The following PHKA1 variants were observed in gnomAD, a reference collection of about 807,000 sequenced individuals.
The protein encoded by PHKA1 is phosphorylase kinase regulatory subunit alpha 1, also known as phosphorylase b kinase regulatory subunit alpha, skeletal muscle isoform.
PHKA1 carries 60 observed loss-of-function variants against 110.2 expected under a neutral mutation model. The observed-to-expected ratio is 0.54, with a 90% CI of 0.44 to 0.68. The LOEUF (loss-of-function observed/expected upper bound fraction) is 0.68. Among genes scored for constraint, PHKA1 ranks in the 30% least tolerant of loss-of-function variants. The pLI, the probability that PHKA1 is intolerant of heterozygous loss-of-function variation, is 0.00. For synonymous variants in PHKA1, 316 were observed against 333.6 expected (o/e 0.95, Z 0.58); for missense variants, 801 against 942.5 (o/e 0.85, Z 1.97).
chrX:72,703,448 G>T (rs1486246050), intron 3 of PHKA1, among the ~76,000 whole-genome samples: 4 of 111,801 alleles, frequency 3.6e-5, no homozygotes, highest in Non-Finnish European at 7.5e-5. Context: ...GGAGGCCAAG[G>T]TGGGAGGATC....
rs1249985136 is a variant in PHKA1 at position 72,603,186 on chromosome X, A to G, written c.2850T>C (p.Ser950=). 1 of 1,205,182 alleles carries G rather than the reference A, an allele frequency of 8.3e-7. No homozygotes were observed. Among genetic ancestry groups the G allele is most frequent in the African/African-American group, 1.7e-5 (1 of 57,229 alleles). ...EEATEGLMNL[S]PSAMKNLLHH... is the part of the protein sequence containing the mutation. The stretch of plus-strand genomic sequence containing the variant: ...GCAGGAGATTCTTCATGGCCGAAGG[A>G]CTGAGATTCATCAGGCCCTCTGTGG... The change falls in exon 26 of 32, where the codon AGT becomes AGC. Residue 950 remains serine, a synonymous_variant. Coordinates refer to ENST00000373542, the MANE Select transcript of PHKA1 (RefSeq NM_002637.4).
At chrX:72,612,735 A>G (rs2052830815) in intron 21 of PHKA1, among the ~76,000 whole-genome samples, 1 of 111,544 alleles carries the variant, frequency 9.0e-6, no homozygotes, top group African/African-American at 3.3e-5. Flanking sequence ...TATCCAACCT[A>G]CTCTTCTTAC....
chrX:72,685,063 A>G (rs1183185645), intron 4 of PHKA1, among the ~76,000 whole-genome samples: 1 of 111,878 alleles, frequency 8.9e-6, no homozygotes, highest in East Asian at 2.8e-4. Context: ...TTACACACAG[A>G]ATGTTTTACA....
At chrX:72,602,094 T>C (rs1464721179) in intron 27 of PHKA1, 64 bp downstream of exon 27, 10 of 1,099,189 alleles carry the variant, frequency 9.1e-6, no homozygotes, top group Non-Finnish European at 1.3e-5. Context: ...CAACAAAGTC[T>C]GATTCCAAAA....
At chrX:72,664,240 T>C (rs974860647) in intron 8 of PHKA1, among the ~76,000 whole-genome samples, 31 of 110,971 alleles carry the variant, frequency 2.8e-4, no homozygotes, top group Non-Finnish European at 3.6e-4. Flanking sequence ...TGGAAAAAGA[T>C]GTTCCATGCA....
At chrX:72,659,526 G>C (rs1227219661) in intron 8 of PHKA1, among the ~76,000 whole-genome samples, 2 of 88,726 alleles carry the variant, frequency 2.3e-5, no homozygotes, top group African/African-American at 2.0e-4. Context: ...AACACACACA[G>C]ACACACAGAC....
At chrX:72,625,471 A>G (rs1235213398) in intron 17 of PHKA1, among the ~76,000 whole-genome samples, 2 of 111,643 alleles carry the variant, frequency 1.8e-5, no homozygotes, top group Non-Finnish European at 3.8e-5. Flanking sequence ...GTAGTATTCC[A>G]TGGTGCATTA....
rs1428503900 is a variant in PHKA1, at chrX:72,607,789, G to A, written c.2606+1835C>T. 2.7e-5 allele frequency among the ~76,000 whole-genome samples: 3 copies of A among 111,587 alleles called. No homozygotes were observed. In the South Asian group the frequency reaches 1.1e-3, roughly 42 times the overall value. On this transcript the variant is annotated intron_variant, in intron 23 of 31. Transcript: ENST00000373542. ...CTTCAACAACTGCTCTCAATTGGTCGTTGTCAACTTTCAATAGCAGGCCAC... is the reference window on the plus strand; with the variant it reads ...CTTCAACAACTGCTCTCAATTGGTCATTGTCAACTTTCAATAGCAGGCCAC...
At chrX:72,597,902 A>T (rs2052611593) in intron 28 of PHKA1, among the ~76,000 whole-genome samples, 1 of 111,277 alleles carries the variant, frequency 9.0e-6, no homozygotes, top group African/African-American at 3.3e-5. Context: ...ACTCTATAAA[A>T]CCCTTAGAAC....
intron 16 of PHKA1, among the ~76,000 whole-genome samples, chrX:72,634,544 A>G (rs1556290370): frequency 9.3e-6 from 1 of 108,046 alleles, no homozygotes; most frequent in Non-Finnish European, 1.9e-5. Context: ...AGTTTCAAGT[A>G]AGCAATGTCA....
intron 5 of PHKA1, among the ~76,000 whole-genome samples, chrX:72,681,340 T>C (rs1603270186): frequency 2.7e-5 from 3 of 111,322 alleles, no homozygotes; most frequent in South Asian, 7.3e-4. Flanking sequence ...AGCTGCCCCG[T>C]CTGAGAAGTG....
chrX:72,638,693 T>C (rs1225156191), intron 14 of PHKA1, among the ~76,000 whole-genome samples: 1 of 111,534 alleles, frequency 9.0e-6, no homozygotes, highest in African/African-American at 3.3e-5. Flanking sequence ...CGTCTATTTA[T>C]GGTTTTTCCT....
chrX:72,649,706 A>T (rs2053403846), intron 13 of PHKA1, among the ~76,000 whole-genome samples: 2 of 111,597 alleles, frequency 1.8e-5, no homozygotes, highest in African/African-American at 6.5e-5. Flanking sequence ...GTATAAGACT[A>T]AGTGCAGCCG....
intron 29 of PHKA1, among the ~76,000 whole-genome samples, chrX:72,591,783 G>A (rs1183644322): frequency 8.9e-6 from 1 of 111,858 alleles, no homozygotes; most frequent in Admixed American, 9.5e-5. Flanking sequence ...ACTGTACACT[G>A]CATGTTGTAT....
At chrX:72,667,822 A>AT (rs2053632153) in intron 6 of PHKA1, among the ~76,000 whole-genome samples, 1 of 111,878 alleles carries the variant, frequency 8.9e-6, no homozygotes, top group Non-Finnish European at 1.9e-5. Context: ...TTTTCTAAAT[A>AT]TATTTTTGAT....
intron 19 of PHKA1, among the ~76,000 whole-genome samples, chrX:72,619,939 C>T (rs1185065176): frequency 8.9e-6 from 1 of 112,007 alleles, no homozygotes; most frequent in Admixed American, 9.5e-5. Flanking sequence ...TTTTCTGGTT[C>T]ACAATTGAGA....
intron 16 of PHKA1, among the ~76,000 whole-genome samples, chrX:72,629,777 C>G (rs955090616): frequency 9.0e-6 from 1 of 111,153 alleles, no homozygotes; most frequent in Admixed American, 9.6e-5. Context: ...TTTACCTATA[C>G]TGGGTTTGAC....
rs142454357 is a variant in PHKA1 at position 72,612,178 on chromosome X, G to A, written c.2370-994C>T. Among the ~76,000 whole-genome samples the A allele has an allele frequency of 6.4e-3, 719 of 111,767 alleles. 4 individuals are homozygous for A. Among genetic ancestry groups the A allele is most frequent in the Middle Eastern group, 0.018 (4 of 217 alleles). ...GAAGTACTGATACATGTTACAACAC[G>A]GATGAATCTTGAAAATATCATGTTA... On this transcript the variant is annotated intron_variant, in intron 21 of 31. Transcript: ENST00000373542.
At chrX:72,656,985 T>G (rs782527913) in intron 9 of PHKA1, among the ~76,000 whole-genome samples, 2 of 111,857 alleles carry the variant, frequency 1.8e-5, no homozygotes, top group African/African-American at 6.5e-5. Context: ...TTTAAAAAAA[T>G]CCATAATGTC....
Sources: gnomAD v4.1 joint callset for allele counts (sites outside exome capture counted in the v4.1 genomes callset) on GRCh38, gnomAD v4.1.1 for gene constraint, MANE v1.5 for transcripts, NCBI Gene and HGNC (gene_info 2026-07-23, HGNC 2026-07-21) for gene names.